ANKRD55: variants seen among roughly 807,000 people sequenced by gnomAD.
The protein encoded by ANKRD55 is ankyrin repeat domain 55.
Under a neutral mutation model 60.6 loss-of-function variants are expected in ANKRD55, and 41 were observed. The observed-to-expected ratio is 0.68, with a 90% CI of 0.53 to 0.88. The LOEUF is 0.88. ANKRD55 is among the 40% of genes least tolerant of loss of function. The pLI is 0.00. For missense variants in ANKRD55, 732 were observed against 767.6 expected (o/e 0.95, Z 0.55); for synonymous variants, 264 against 290.3 (o/e 0.91, Z 0.92).
At chr5:56,143,147 G>A (rs931291298) in intron 7 of ANKRD55, among the ~76,000 whole-genome samples, 1 of 152,146 alleles carries the variant, frequency 6.6e-6, no homozygotes, top group Non-Finnish European at 1.5e-5. Flanking sequence ...ACAGAGACGG[G>A]CTGGCAAGTT....
chr5:56,214,043 C>T (rs959049215), intron 2 of ANKRD55, among the ~76,000 whole-genome samples: 3 of 152,174 alleles, frequency 2.0e-5, no homozygotes, highest in Non-Finnish European at 2.9e-5. Context: ...TGGTGGCAGG[C>T]AAGAGAGCTT....
At chr5:56,178,128 G>A (rs915515386) in intron 3 of ANKRD55, among the ~76,000 whole-genome samples, 3 of 152,002 alleles carry the variant, frequency 2.0e-5, no homozygotes, top group East Asian at 3.9e-4. Flanking sequence ...ACCTGGTACC[G>A]GGAAGATATT....
At chr5:56,122,768 T>G (rs1474193544) in intron 8 of ANKRD55, among the ~76,000 whole-genome samples, 1 of 151,460 alleles carries the variant, frequency 6.6e-6, no homozygotes, top group South Asian at 2.1e-4. Flanking sequence ...AAAGGGCAAG[T>G]TGACATTCCT....
At chr5:56,144,522 G>A (rs1412610472) in intron 6 of ANKRD55, among the ~76,000 whole-genome samples, 2 of 144,068 alleles carry the variant, frequency 1.4e-5, no homozygotes, top group Non-Finnish European at 3.1e-5. Flanking sequence ...GGGGAAGAGA[G>A]CAATGTGAAA....
At chr5:56,188,675 C>T (rs563477675) in intron 2 of ANKRD55, among the ~76,000 whole-genome samples, 4 of 152,242 alleles carry the variant, frequency 2.6e-5, no homozygotes, top group Admixed American at 2.6e-4. Flanking sequence ...CATTGGTCTA[C>T]GTGGCTGTTT....
In ANKRD55 at chr5:56,111,272, G is replaced by T. The variant is rs202112813; in HGVS notation, c.1476C>A (p.Asn492Lys). The change falls in exon 10 of 12, where the codon AAC (asparagine) becomes AAA (lysine). Residue 492 changes from asparagine (N) to lysine (K), a missense_variant. By Grantham distance (94) the Asn-to-Lys change is moderately conservative. Coordinates refer to ENST00000341048, the MANE Select transcript of ANKRD55 (RefSeq NM_024669.3). ...NRTGCQMLLD[N>K]PWKSDSNQVF... ...CCTGATTAGAATCACTCTTCCAGGG[G>T]TTATCTAGTAACATCTGGCAGCCAG... 1 of 1,614,152 alleles carries T rather than the reference G, an allele frequency of 6.2e-7. No homozygotes were observed. The highest frequency in any genetic ancestry group is 1.7e-5 in the Admixed American group (1 of 60,014).
At chr5:56,213,338 G>A (rs1759722732) in intron 2 of ANKRD55, among the ~76,000 whole-genome samples, 1 of 152,100 alleles carries the variant, frequency 6.6e-6, no homozygotes, top group Non-Finnish European at 1.5e-5. Flanking sequence ...GGATGCATAA[G>A]ACATTGGTTA....
intron 2 of ANKRD55, among the ~76,000 whole-genome samples, chr5:56,209,616 G>A (rs1423711349): frequency 2.0e-5 from 3 of 152,192 alleles, no homozygotes; most frequent in South Asian, 2.1e-4. Context: ...ACAGGCGCCC[G>A]CCACCGCGCC....
intron 2 of ANKRD55, among the ~76,000 whole-genome samples, chr5:56,194,590 G>T (rs1759188136): frequency 6.6e-6 from 1 of 152,042 alleles, no homozygotes; most frequent in Non-Finnish European, 1.5e-5. Flanking sequence ...TTATATATTT[G>T]ATTCTAATTA....
rs116733352 is a variant in ANKRD55 at position 56,145,201 on chromosome 5, A to T, written c.484-1272T>A. Among the ~76,000 whole-genome samples the T allele has an allele frequency of 6.0e-3, 909 of 152,270 alleles. 9 individuals carry two copies. Among genetic ancestry groups the T allele is most frequent in the Middle Eastern group, 0.014 (4 of 294 alleles). On this transcript the variant is annotated intron_variant, in intron 6 of 11. Coordinates refer to ENST00000341048, the MANE Select transcript of ANKRD55 (RefSeq NM_024669.3). The stretch of plus-strand genomic sequence containing the variant: ...AACTTCTGGAGTAAGTACTGTGGTG[A>T]TGTCTCCTACGTGTTCACCAAGCTG...
At chr5:56,190,703 G>A (rs1344952791) in intron 2 of ANKRD55, among the ~76,000 whole-genome samples, 1 of 152,158 alleles carries the variant, frequency 6.6e-6, no homozygotes, top group Admixed American at 6.5e-5. Context: ...CCAACATGTG[G>A]TGAGGATGAT....
At chr5:56,227,646 T>G (rs1385391171) in intron 2 of ANKRD55, among the ~76,000 whole-genome samples, 5 of 151,730 alleles carry the variant, frequency 3.3e-5, no homozygotes, top group African/African-American at 1.2e-4. Context: ...ACCTTATTGC[T>G]GGCCAAGGAA....
At chr5:56,112,511 A>AAAAAAAAAAAAAAAAAAACAAAAAC in intron 9 of ANKRD55, among the ~76,000 whole-genome samples, 1 of 81,526 alleles carries the variant, frequency 1.2e-5, no homozygotes, top group African/African-American at 5.4e-5. Context: ...TAGCAAAAAA[A>AAAAAAAAAAAAAAAAAAACAAAAAC]AAAAAAAAAA....
At chr5:56,142,930 ATCACT>A (rs1235333771) in intron 7 of ANKRD55, among the ~76,000 whole-genome samples, 1 of 152,216 alleles carries the variant, frequency 6.6e-6, no homozygotes, top group Non-Finnish European at 1.5e-5. Flanking sequence ...CAGTTTCCAG[ATCACT>A]TCTGTTTTCC....
intron 9 of ANKRD55, among the ~76,000 whole-genome samples, chr5:56,115,586 T>G (rs995315187): frequency 6.6e-6 from 1 of 152,078 alleles, no homozygotes; most frequent in African/African-American, 2.4e-5. Flanking sequence ...CTTCCCAAAG[T>G]GCTAGGATTA....
At chr5:56,133,367 A>G (rs957257698) in intron 7 of ANKRD55, among the ~76,000 whole-genome samples, 2 of 148,626 alleles carry the variant, frequency 1.3e-5, no homozygotes, top group African/African-American at 5.0e-5. Context: ...TGAACCTAGG[A>G]GGCGGAGGTT....
chr5:56,171,709 T>G (rs1353962117), intron 4 of ANKRD55, among the ~76,000 whole-genome samples: 3 of 152,238 alleles, frequency 2.0e-5, no homozygotes, highest in Non-Finnish European at 4.4e-5. Flanking sequence ...CCCTCTATTT[T>G]GTTCAGAAGC....
intron 5 of ANKRD55, among the ~76,000 whole-genome samples, chr5:56,160,329 C>A (rs1758295351): frequency 6.6e-6 from 1 of 152,246 alleles, no homozygotes; most frequent in Non-Finnish European, 1.5e-5. Context: ...AGCTCCGCCT[C>A]CCGGATTAGC....
chr5:56,134,813 C>A (rs986703193), intron 7 of ANKRD55, among the ~76,000 whole-genome samples: 1 of 151,916 alleles, frequency 6.6e-6, no homozygotes, highest in African/African-American at 2.4e-5. Flanking sequence ...AAACTATAGA[C>A]CAATAACTTT....
Sources: allele counts gnomAD v4.1 joint callset (sites outside exome capture counted in the v4.1 genomes callset), GRCh38; gene constraint gnomAD v4.1.1; transcripts MANE v1.5; gene names NCBI Gene and HGNC (gene_info 2026-07-23, HGNC 2026-07-21).